The following LGALS8 variants were observed in gnomAD, a reference collection of about 807,000 sequenced individuals.
The protein encoded by LGALS8 is galectin 8, also known as galectin-8.
In LGALS8, 30 loss-of-function variants were observed where a neutral mutation model predicts 35.9. That is an observed-to-expected ratio of 0.83 (90% CI 0.62 to 1.13). The LOEUF (loss-of-function observed/expected upper bound fraction) is 1.13. Ranked by LOEUF, LGALS8 falls within the 50% of genes most tolerant of loss-of-function variation. LGALS8 has a pLI of 0.00. For synonymous variants in LGALS8, 138 were observed against 136.1 expected, an observed-to-expected ratio of 1.01 and a Z score of -0.10; for missense variants, 366 against 388.7, an observed-to-expected ratio of 0.94 and a Z score of 0.49.
chr1:236,542,925 G>A (rs753418788), intron 7 of LGALS8, 138 bp downstream of exon 7: 2 of 1,614,094 alleles, frequency 1.2e-6, no homozygotes, highest in Non-Finnish European at 1.7e-6. Flanking sequence ...CCTAGTAATA[G>A]AGGAGGAGAC....
chr1:236,533,978 G>C (rs3020205), intron 2 of LGALS8, among the ~76,000 whole-genome samples: 1 of 84,018 alleles, frequency 1.2e-5, no homozygotes, highest in Admixed American at 1.2e-4. Context: ...CCCTGACCCC[G>C]GATGTAGCTG....
intron 9 of LGALS8, among the ~76,000 whole-genome samples, chr1:236,547,367 T>C (rs1662432899): frequency 1.3e-5 from 2 of 152,212 alleles, no homozygotes; most frequent in Admixed American, 1.3e-4. Flanking sequence ...TTGTAGTATG[T>C]GCACCACTTC....
intron 2 of LGALS8, among the ~76,000 whole-genome samples, chr1:236,532,111 C>A (rs1394642515): frequency 6.6e-6 from 1 of 152,096 alleles, no homozygotes; most frequent in Non-Finnish European, 1.5e-5. Context: ...AAATTCTGGT[C>A]CCCCAGAAGG....
chr1:236,535,790 C>T lies in LGALS8; in HGVS notation c.46-1707C>T, dbSNP rs117132790. Among the ~76,000 whole-genome samples the T allele has an allele frequency of 2.7e-3, 417 of 152,328 alleles. 14 individuals carry two copies. In the East Asian group the frequency reaches 0.062, roughly 23 times the overall value. ...TGACAACAAATAGATAATTGGCTTC[C>T]GTAATTTCTCATCTTATTGCCTAAG... is the stretch of plus-strand genomic sequence containing the variant. On this transcript the variant is annotated intron_variant, in intron 2 of 9. Coordinates refer to ENST00000366584, the MANE Select transcript of LGALS8 (RefSeq NM_201544.4).
rs561145208 is a variant in LGALS8 at position 236,552,622 on chromosome 1, C to T, written c.*4461C>T. ...TAAAAAACATTCTGTGTCACAATAT[C>T]CTAGTTTTGGGGCTTTAAAAACGTC... On this transcript the variant is annotated 3_prime_UTR_variant, in exon 10 of 10. Coordinates refer to ENST00000366584, the MANE Select transcript of LGALS8 (RefSeq NM_201544.4). 1 of 152,334 alleles carries T rather than the reference C, an allele frequency of 6.6e-6. No individual in the cohort carries two copies. The highest frequency in any genetic ancestry group is 1.9e-4 in the East Asian group (1 of 5,180). The allele number at this position is 152,334 out of a possible 1,614,324, so 9.4% of individuals were successfully genotyped here.
In LGALS8 at chr1:236,549,931, CT is replaced by C. The variant is rs1330091760; in HGVS notation, c.*1774del. ...CTCTGTCTCTAAAATGCAAGTTGGC[CT>C]TTTGCTTGCCACATTTCTGCATTAA... is the stretch of plus-strand genomic sequence containing the variant. On this transcript the variant is annotated 3_prime_UTR_variant, in exon 10 of 10. Coordinates refer to ENST00000366584, the MANE Select transcript of LGALS8 (RefSeq NM_201544.4). 6.6e-6 allele frequency: 1 copy of C among 152,136 alleles called. No homozygotes were observed. Among genetic ancestry groups the C allele is most frequent in the Non-Finnish European group, 1.5e-5 (1 of 68,036 alleles). 9.4% of individuals were successfully genotyped at this position (152,136 alleles called of 1,614,324 possible).
Position 236,526,114 on chromosome 1 carries a change from C to T in LGALS8, c.44C>T (p.Pro15Leu), listed in dbSNP as rs377399107. 18 of 1,602,464 alleles carry T rather than the reference C, an allele frequency of 1.1e-5. No homozygotes were observed. The highest frequency in any genetic ancestry group is 4.0e-5 in the African/African-American group (3 of 74,706). Residue 15 changes from proline (P) to leucine (L), a missense_variant and splice_region_variant, in exon 2 of 10, where the codon CCG becomes CTG. Transcript: ENST00000366584. This position sits in a 1 kb window ranked among gnomAD's most constrained non-coding sequence, Gnocchi z 4.6. ...AACCTACAGAATATCATCTATAACC[C>T]GGTAACTGATTTCTATAAGATAACT... is the stretch of plus-strand genomic sequence containing the variant. ...LNNLQNIIYN[P>L]VIPFVGTIPD...
At chr1:236,533,631 ACCC>A (rs1661275971) in intron 2 of LGALS8, among the ~76,000 whole-genome samples, 3 of 124,700 alleles carry the variant, frequency 2.4e-5, no homozygotes, top group African/African-American at 6.4e-5. Context: ...ACTGCGCCTG[ACCC>A]CCATTTTTTT....
intron 4 of LGALS8, among the ~76,000 whole-genome samples, chr1:236,539,659 C>T (rs1239119502): frequency 6.6e-6 from 1 of 152,156 alleles, no homozygotes; most frequent in Non-Finnish European, 1.5e-5. Context: ...GTGGAGCTTG[C>T]CCACAGTAGA....
At chr1:236,547,449 G>C (rs914658892) in intron 9 of LGALS8, among the ~76,000 whole-genome samples, 3 of 152,124 alleles carry the variant, frequency 2.0e-5, no homozygotes, top group Admixed American at 2.0e-4. Flanking sequence ...GAGCTTATCA[G>C]GATCAGGATC....
Position 236,543,591 on chromosome 1 carries a change from C to A in LGALS8, c.581C>A (p.Pro194His). 6.2e-7 allele frequency: 1 copy of A among 1,614,080 alleles called. No individual in the cohort carries two copies. Among genetic ancestry groups the A allele is most frequent in the South Asian group, 1.1e-5 (1 of 91,076 alleles). ...RLPFAARLNT[P>H]MGPGRTVVVK... ...CCATTCGCTGCAAGGTTGAACACCCCCATGGGCCCTGGACGAACTGTCGTC... is the reference window on the plus strand; with the variant it reads ...CCATTCGCTGCAAGGTTGAACACCCACATGGGCCCTGGACGAACTGTCGTC... The change falls in exon 8 of 10, where the codon CCC (proline) becomes CAC (histidine). Residue 194 changes from proline (P) to histidine (H), a missense_variant. By Grantham distance (77) the Pro-to-His change is moderately conservative (BLOSUM62 -2). Transcript: ENST00000366584.
intron 7 of LGALS8, chr1:236,543,125 G>A (rs2244267): frequency 0.65 from 830,305 of 1,281,956 alleles, 273,303 homozygotes; most frequent in Non-Finnish European, 0.69. Flanking sequence ...CCACAATAGA[G>A]GCCCAAAGCA....
At position 236,548,298 on chromosome 1, in the gene LGALS8, G is replaced by T; in HGVS notation, c.*137G>T. 1.3e-6 allele frequency: 1 copy of T among 791,600 alleles called. No homozygotes were observed. The highest frequency in any genetic ancestry group is 2.0e-6 in the Non-Finnish European group (1 of 498,174). The allele number at this position is 791,600 out of a possible 1,614,324, so 49.0% of individuals were successfully genotyped here. A position where few individuals can be genotyped will look rare whatever the true frequency, so the allele number is the denominator to read the frequency against. The stretch of plus-strand genomic sequence containing the variant: ...TGTGCACCATTAGGTCCTGCTGGGT[G>T]TTCTCAGTCCTTGCCATGAAGTATG... On this transcript the variant is annotated 3_prime_UTR_variant, in exon 10 of 10. Coordinates refer to ENST00000366584, the MANE Select transcript of LGALS8 (RefSeq NM_201544.4).
In LGALS8 at chr1:236,552,113, A is replaced by G. The variant is rs773967140; in HGVS notation, c.*3952A>G. On this transcript the variant is annotated 3_prime_UTR_variant, in exon 10 of 10. Coordinates refer to ENST00000366584, the MANE Select transcript of LGALS8 (RefSeq NM_201544.4). ...ATCAAAGCAGCAAATCGAACCTGAAAGGGATAAAAGAGCAAAGAAATAAAA... is the reference window on the plus strand; with the variant it reads ...ATCAAAGCAGCAAATCGAACCTGAAGGGGATAAAAGAGCAAAGAAATAAAA... The G allele has an allele frequency of 1.6e-4, 249 of 1,572,708 alleles. No individual in the cohort carries two copies. Among genetic ancestry groups the G allele is most frequent in the Non-Finnish European group, 2.0e-4 (234 of 1,143,932 alleles).
In LGALS8 at chr1:236,552,120, A is replaced by G. The variant is rs1662774610; in HGVS notation, c.*3959A>G. ...CAGCAAATCGAACCTGAAAGGGATA[A>G]AAGAGCAAAGAAATAAAAAGTAGTG... On this transcript the variant is annotated 3_prime_UTR_variant, in exon 10 of 10. Coordinates refer to ENST00000366584, the MANE Select transcript of LGALS8 (RefSeq NM_201544.4). 2 of 1,530,558 alleles carry G rather than the reference A, an allele frequency of 1.3e-6. No homozygotes were observed. The highest frequency in any genetic ancestry group is 1.8e-6 in the Non-Finnish European group (2 of 1,105,892). 94.8% of individuals were successfully genotyped at this position (1,530,558 alleles called of 1,614,324 possible).
Position 236,548,173 on chromosome 1 carries a change from A to G in LGALS8, c.*12A>G, listed in dbSNP as rs376878031. 2 of 1,608,110 alleles carry G rather than the reference A, an allele frequency of 1.2e-6. No homozygotes were observed. Among genetic ancestry groups the G allele is most frequent in the African/African-American group, 1.3e-5 (1 of 74,612 alleles). On this transcript the variant is annotated 3_prime_UTR_variant, in exon 10 of 10. Coordinates refer to ENST00000366584, the MANE Select transcript of LGALS8 (RefSeq NM_201544.4). Reference sequence around the variant, plus strand: ...TAAGGAGCTGGTAGCCTACCTACACAGCTGCTACAAAAACCAAAATACAGA... The same window carrying G: ...TAAGGAGCTGGTAGCCTACCTACACGGCTGCTACAAAAACCAAAATACAGA...
At chr1:236,538,671 G>C (rs1364884070) in intron 3 of LGALS8, among the ~76,000 whole-genome samples, 1 of 152,232 alleles carries the variant, frequency 6.6e-6, no homozygotes, top group African/African-American at 2.4e-5. Context: ...ATTCTGGGCA[G>C]ATTCAGACCC....
rs1571986082 is a variant in LGALS8, at chr1:236,524,650, C to T, written c.-104+589C>T. On this transcript the variant is annotated intron_variant, in intron 1 of 9. Transcript: ENST00000366584. ...GATGCATACGAAGTGTTCATGCTGG[C>T]GGGACCTGTCCCTGGGGATACTTCG... 4 of 344,762 alleles carry T rather than the reference C, an allele frequency of 1.2e-5. No individual in the cohort carries two copies. In the East Asian group the frequency reaches 2.3e-4, roughly 20 times the overall value. The allele number at this position is 344,762 out of a possible 1,614,324, so 21.4% of individuals were successfully genotyped here. A position where few individuals can be genotyped will look rare whatever the true frequency, so the allele number is the denominator to read the frequency against.
In LGALS8 at chr1:236,549,397, G is replaced by T. The variant is rs917857901; in HGVS notation, c.*1236G>T. The stretch of plus-strand genomic sequence containing the variant: ...GGTTTGGGAGTGGGGAGGGAAAAAA[G>T]CTCAGTCAGTGAGGATCATTTTATC... On this transcript the variant is annotated 3_prime_UTR_variant, in exon 10 of 10. Coordinates refer to ENST00000366584, the MANE Select transcript of LGALS8 (RefSeq NM_201544.4). The T allele has an allele frequency of 6.1e-6, 1 of 162,846 alleles. No individual in the cohort carries two copies. The highest frequency in any genetic ancestry group is 1.3e-5 in the Non-Finnish European group (1 of 75,280). 10.1% of individuals were successfully genotyped at this position (162,846 alleles called of 1,614,324 possible). A position where few individuals can be genotyped will look rare whatever the true frequency, so the allele number is the denominator to read the frequency against.
Sources: gnomAD v4.1 joint callset for allele counts (sites outside exome capture counted in the v4.1 genomes callset) on GRCh38, gnomAD v4.1.1 for gene constraint, Gnocchi (gnomAD v3.1) non-coding constraint, MANE v1.5 for transcripts, NCBI Gene and HGNC (gene_info 2026-07-23, HGNC 2026-07-21) for gene names.